ITPR2: variants seen among roughly 807,000 people sequenced by gnomAD.
The protein encoded by ITPR2 is inositol 1,4,5-trisphosphate receptor type 2.
A neutral mutation model predicts 317.1 loss-of-function variants in ITPR2; 207 were observed. The observed-to-expected ratio is 0.65, with a 90% CI of 0.58 to 0.73. The LOEUF (loss-of-function observed/expected upper bound fraction) is 0.73, where lower values mean the gene tolerates loss of function less well. ITPR2 is among the 30% of genes least tolerant of loss of function. The pLI is 0.00. For synonymous variants in ITPR2, 1,156 were observed against 1,149.1 expected (o/e 1.01, Z -0.12); for missense variants, 2,613 against 3,284.0 (o/e 0.80, Z 4.99).
chr12:26,758,687 C>T (rs1162607347), intron 2 of ITPR2, among the ~76,000 whole-genome samples: 1 of 152,128 alleles, frequency 6.6e-6, no homozygotes, highest in Non-Finnish European at 1.5e-5. Context: ...AATAAGTGTC[C>T]ATCTCCAGCA....
chr12:26,665,884 C>T (rs1421989798), intron 14 of ITPR2, 26 bp downstream of exon 14: 23 of 1,588,774 alleles, frequency 1.4e-5, no homozygotes, highest in East Asian at 2.2e-5. Context: ...ATAAAATATA[C>T]AAATTTAGTA....
chr12:26,712,315 T>C (rs766269738), intron 8 of ITPR2, among the ~76,000 whole-genome samples: 17 of 152,228 alleles, frequency 1.1e-4, no homozygotes, highest in Admixed American at 7.2e-4. Context: ...TGGCTCCTGC[T>C]GCAACCACGA....
rs1247751960 is a variant in ITPR2, at chr12:26,510,414, A to T, written c.5074-15154T>A. Reference sequence around the variant, plus strand: ...GAGAAGAAGACATGTAGCTTCCATAAGAAAAGAAGATGCTTCCCACAGACT... The same window carrying T: ...GAGAAGAAGACATGTAGCTTCCATATGAAAAGAAGATGCTTCCCACAGACT... On this transcript the variant is annotated intron_variant, in intron 37 of 56. Transcript: ENST00000381340. 2.0e-5 allele frequency among the ~76,000 whole-genome samples: 3 copies of T among 152,226 alleles called. No homozygotes were observed. The South Asian group carries it at 6.2e-4, about 32-fold the overall frequency.
At chr12:26,568,013 T>TA (rs1446491776) in intron 34 of ITPR2, among the ~76,000 whole-genome samples, 14 of 63,906 alleles carry the variant, frequency 2.2e-4, no homozygotes, top group East Asian at 7.1e-4. Context: ...ATATTATATA[T>TA]ATATATATAT....
At chr12:26,497,314 C>T (rs920402639) in intron 37 of ITPR2, among the ~76,000 whole-genome samples, 4 of 151,796 alleles carry the variant, frequency 2.6e-5, no homozygotes, top group Non-Finnish European at 4.4e-5. Context: ...CCACCACACC[C>T]AGCTAATTTT....
chr12:26,670,054 C>T (rs1266836919), intron 13 of ITPR2, among the ~76,000 whole-genome samples: 2 of 152,254 alleles, frequency 1.3e-5, no homozygotes, highest in Non-Finnish European at 2.9e-5. Context: ...GAAGCTCGAA[C>T]TGGGTGAAGC....
chr12:26,638,019 G>C (rs1946901890), intron 21 of ITPR2, among the ~76,000 whole-genome samples: 1 of 152,172 alleles, frequency 6.6e-6, no homozygotes, highest in African/African-American at 2.4e-5. Flanking sequence ...TGTAACCAAA[G>C]TGTAGTAATG....
chr12:26,711,530 A>AAGACC (rs1183063485), intron 8 of ITPR2, among the ~76,000 whole-genome samples: 1 of 152,208 alleles, frequency 6.6e-6, no homozygotes, highest in Non-Finnish European at 1.5e-5. Context: ...ACATGTTTCC[A>AAGACC]AGACCAAAGT....
chr12:26,458,380 A>C (rs183898305), intron 45 of ITPR2, among the ~76,000 whole-genome samples: 61 of 152,260 alleles, frequency 4.0e-4, no homozygotes, highest in African/African-American at 1.4e-3. Context: ...TGACGACATC[A>C]AGACTCAGTT....
intron 30 of ITPR2, among the ~76,000 whole-genome samples, chr12:26,597,637 T>C (rs1195133782): frequency 6.6e-6 from 1 of 152,054 alleles, no homozygotes; most frequent in East Asian, 1.9e-4. Flanking sequence ...AGAATGAAGG[T>C]AAAAGCAGAG....
At chr12:26,710,306 T>C (rs1488128429) in intron 9 of ITPR2, among the ~76,000 whole-genome samples, 1 of 152,264 alleles carries the variant, frequency 6.6e-6, no homozygotes, top group Non-Finnish European at 1.5e-5. Context: ...CCTAATTTAA[T>C]TCTAATAAGT....
chr12:26,377,551 T>C (rs1216264851), intron 55 of ITPR2, among the ~76,000 whole-genome samples: 4 of 152,366 alleles, frequency 2.6e-5, no homozygotes, highest in Admixed American at 2.6e-4. Flanking sequence ...TTCTAAAGGA[T>C]GTCTTTTGGC....
intron 54 of ITPR2, among the ~76,000 whole-genome samples, chr12:26,388,459 A>G (rs922120189): frequency 1.3e-5 from 2 of 151,756 alleles, no homozygotes; most frequent in Non-Finnish European, 2.9e-5. Flanking sequence ...GATGTAGAAG[A>G]CCCTTTTATT....
At chr12:26,767,301 C>T (rs1047856783) in intron 2 of ITPR2, among the ~76,000 whole-genome samples, 1 of 152,182 alleles carries the variant, frequency 6.6e-6, no homozygotes, top group Non-Finnish European at 1.5e-5. Context: ...GAGCTCTCAC[C>T]TGCCTCTGCT....
At chr12:26,817,105 C>T (rs1159663450) in intron 1 of ITPR2, among the ~76,000 whole-genome samples, 9 of 139,926 alleles carry the variant, frequency 6.4e-5, no homozygotes, top group African/African-American at 2.2e-4. Context: ...CACTTGAACC[C>T]GGGAGGCAGA....
intron 52 of ITPR2, among the ~76,000 whole-genome samples, chr12:26,410,545 T>C (rs1940514023): frequency 6.6e-6 from 1 of 152,162 alleles, no homozygotes; most frequent in Non-Finnish European, 1.5e-5. Context: ...CTTAACTCTT[T>C]CTTCCCTTAT....
At chr12:26,663,193 G>A (rs911907571) in intron 15 of ITPR2, among the ~76,000 whole-genome samples, 14 of 152,014 alleles carry the variant, frequency 9.2e-5, no homozygotes, top group African/African-American at 3.4e-4. Context: ...CTACCCAAAG[G>A]CTTCCTTCTC....
chr12:26,404,743 G>A (rs1195641410), intron 52 of ITPR2, among the ~76,000 whole-genome samples: 1 of 152,186 alleles, frequency 6.6e-6, no homozygotes, highest in African/African-American at 2.4e-5. Flanking sequence ...AAGAAAGAGA[G>A]AGAACAGATG....
At chr12:26,548,556 T>C (rs187908588) in intron 37 of ITPR2, among the ~76,000 whole-genome samples, 3 of 152,294 alleles carry the variant, frequency 2.0e-5, no homozygotes, top group Non-Finnish European at 2.9e-5. Flanking sequence ...GGCACAATAA[T>C]CACCATTTAA....
Sources: allele counts gnomAD v4.1 joint callset (sites outside exome capture counted in the v4.1 genomes callset), GRCh38; gene constraint gnomAD v4.1.1; transcripts MANE v1.5; gene names NCBI Gene and HGNC (gene_info 2026-07-23, HGNC 2026-07-21).